Variants in ADGRB3 observed in about 807,000 individuals in gnomAD.
ADGRB3 encodes the protein brain-specific angiogenesis inhibitor 3.
In ADGRB3, 37 loss-of-function variants were observed where a neutral mutation model predicts 193.4. The observed-to-expected ratio is 0.19, with a 90% CI of 0.15 to 0.25. The LOEUF (loss-of-function observed/expected upper bound fraction) is 0.25, where lower values mean the gene tolerates loss of function less well. ADGRB3 is among the 10% of genes least tolerant of loss of function. The probability of loss-of-function intolerance (pLI) is 1.00; values close to 1 mark genes in which losing one functional copy is unlikely to be tolerated. For synonymous variants in ADGRB3, 690 were observed against 644.2 expected, an observed-to-expected ratio of 1.07 and a Z score of -1.08; for missense variants, 1,637 against 1,852.9, an observed-to-expected ratio of 0.88 and a Z score of 2.14.
chr6:69,257,200 G>C (rs865942905), intron 20 of ADGRB3, among the ~76,000 whole-genome samples: 1 of 152,302 alleles, frequency 6.6e-6, no homozygotes, highest in South Asian at 2.1e-4. Context: ...TTTGGTATCA[G>C]AATGATGCTG....
intron 17 of ADGRB3, among the ~76,000 whole-genome samples, chr6:69,126,472 G>C (rs565544913): frequency 6.6e-6 from 1 of 152,318 alleles, no homozygotes; most frequent in South Asian, 2.1e-4. Flanking sequence ...AACCTGGCAG[G>C]CTGCTGTGCA....
intron 17 of ADGRB3, among the ~76,000 whole-genome samples, chr6:69,162,114 G>A (rs1182746187): frequency 6.6e-6 from 1 of 151,998 alleles, no homozygotes; most frequent in African/African-American, 2.4e-5. Flanking sequence ...TGCTGGCTTG[G>A]GAACTATAAT....
At chr6:69,255,306 T>G (rs985946140) in intron 20 of ADGRB3, among the ~76,000 whole-genome samples, 1 of 152,182 alleles carries the variant, frequency 6.6e-6, no homozygotes, top group Non-Finnish European at 1.5e-5. Context: ...ATGGTTGAAC[T>G]AGTTTACAGT....
At chr6:69,326,557 G>T (rs1768573661) in intron 21 of ADGRB3, among the ~76,000 whole-genome samples, 2 of 152,226 alleles carry the variant, frequency 1.3e-5, no homozygotes, top group South Asian at 4.1e-4. Context: ...GCAAAAACCT[G>T]AACTGATGGT....
chr6:68,724,149 T>A (rs902911966), intron 3 of ADGRB3, among the ~76,000 whole-genome samples: 1 of 151,666 alleles, frequency 6.6e-6, no homozygotes, highest in African/African-American at 2.4e-5. Context: ...CATTGATTTT[T>A]AAATTTTATA....
chr6:69,270,037 C>T (rs1323454454), intron 20 of ADGRB3, among the ~76,000 whole-genome samples: 2 of 152,076 alleles, frequency 1.3e-5, no homozygotes, highest in Non-Finnish European at 1.5e-5. Context: ...TACCTTGGCT[C>T]ATCAGAGTTG....
chr6:69,299,797 A>G (rs1434119538), intron 20 of ADGRB3, among the ~76,000 whole-genome samples: 1 of 151,776 alleles, frequency 6.6e-6, no homozygotes, highest in Non-Finnish European at 1.5e-5. Context: ...TTGTAGTGTC[A>G]TTTAAAGTCA....
intron 17 of ADGRB3, among the ~76,000 whole-genome samples, chr6:69,216,719 G>A (rs907245995): frequency 3.3e-5 from 5 of 152,170 alleles, no homozygotes; most frequent in Non-Finnish European, 5.9e-5. Flanking sequence ...AGAAAGAATC[G>A]GCTTGGACAG....
chr6:68,917,104 C>T (rs982128407), intron 3 of ADGRB3, among the ~76,000 whole-genome samples: 2 of 152,078 alleles, frequency 1.3e-5, no homozygotes, highest in African/African-American at 4.8e-5. Flanking sequence ...GGCATCAGCT[C>T]TACCACTGAT....
rs142166783 is a variant in ADGRB3, at chr6:68,661,991, G to A, written c.757+22559G>A. Among the ~76,000 whole-genome samples, 9 of 151,540 alleles carry A rather than the reference G, an allele frequency of 5.9e-5. No individual in the cohort carries two copies. In the East Asian group the frequency reaches 1.8e-3, roughly 30 times the overall value. On this transcript the variant is annotated intron_variant, in intron 3 of 31. Coordinates refer to ENST00000370598, the MANE Select transcript of ADGRB3 (RefSeq NM_001704.3). The stretch of plus-strand genomic sequence containing the variant: ...AGGGATCATAAATTTTTTAAACAAA[G>A]TACCAGAGGGAAATAAAAGGCTTCA...
intron 3 of ADGRB3, among the ~76,000 whole-genome samples, chr6:68,856,750 A>T (rs1374088412): frequency 1.3e-5 from 2 of 152,220 alleles, no homozygotes; most frequent in Admixed American, 6.5e-5. Context: ...TGCAGAAATT[A>T]GCATAAGTAA....
intron 13 of ADGRB3, among the ~76,000 whole-genome samples, chr6:69,032,608 CA>C (rs1422544912): frequency 6.6e-6 from 1 of 152,130 alleles, no homozygotes; most frequent in African/African-American, 2.4e-5. Context: ...TTCACCTTTT[CA>C]AAAATCTTAT....
At chr6:68,856,615 G>A (rs532671155) in intron 3 of ADGRB3, among the ~76,000 whole-genome samples, 54 of 152,294 alleles carry the variant, frequency 3.5e-4, no homozygotes, top group Admixed American at 1.6e-3. Context: ...TTTCTAAACA[G>A]CAAAGCATTC....
At chr6:68,781,181 G>A (rs960923509) in intron 3 of ADGRB3, among the ~76,000 whole-genome samples, 10 of 152,188 alleles carry the variant, frequency 6.6e-5, no homozygotes, top group Middle Eastern at 3.4e-3. Context: ...TGTCTTCAGC[G>A]AAATCATAAT....
chr6:69,316,058 T>C (rs1233622519), intron 20 of ADGRB3, among the ~76,000 whole-genome samples: 1 of 151,340 alleles, frequency 6.6e-6, no homozygotes, highest in African/African-American at 2.4e-5. Flanking sequence ...CTTTCTGTCA[T>C]AACAAACATG....
chr6:68,762,343 T>C (rs146582477), intron 3 of ADGRB3, among the ~76,000 whole-genome samples: 49 of 152,280 alleles, frequency 3.2e-4, no homozygotes, highest in Admixed American at 8.5e-4. Flanking sequence ...AAATAACTTA[T>C]ATATTTTGTT....
intron 3 of ADGRB3, among the ~76,000 whole-genome samples, chr6:68,667,561 T>C (rs1393433690): frequency 2.6e-5 from 4 of 151,932 alleles, no homozygotes; most frequent in Non-Finnish European, 5.9e-5. Flanking sequence ...TTTACATCAG[T>C]ATAATAAATA....
At chr6:69,127,989 C>T (rs966214137) in intron 17 of ADGRB3, among the ~76,000 whole-genome samples, 24 of 151,844 alleles carry the variant, frequency 1.6e-4, no homozygotes, top group African/African-American at 5.8e-4. Flanking sequence ...ACACTAAAGC[C>T]ATCTCTCTCG....
chr6:68,956,301 ATGTGTGTGTGTG>A (rs3831272), intron 7 of ADGRB3, 113 bp downstream of exon 7: 1 of 878,914 alleles, frequency 1.1e-6, no homozygotes. Flanking sequence ...TTATATATAT[ATGTGTGTGTGTG>A]TGTGTGTGTG....
Sources: allele counts gnomAD v4.1 joint callset (sites outside exome capture counted in the v4.1 genomes callset), GRCh38; gene constraint gnomAD v4.1.1; transcripts MANE v1.5; gene names NCBI Gene and HGNC (gene_info 2026-07-23, HGNC 2026-07-21).